TJP2: variants seen among roughly 807,000 people sequenced by gnomAD.
The protein encoded by TJP2 is tight junction protein 2, also known as Friedreich ataxia region gene X104 (tight junction protein ZO-2).
A neutral mutation model predicts 133.1 loss-of-function variants in TJP2; 91 were observed. The observed-to-expected ratio is 0.68, with a 90% CI of 0.58 to 0.81. The LOEUF is 0.81. Ranked by LOEUF, TJP2 falls within the 40% of genes least tolerant of loss-of-function variation. The pLI is 0.00. For synonymous variants in TJP2, 592 were observed against 583.4 expected (o/e 1.01, Z -0.21); for missense variants, 1,541 against 1,565.6 (o/e 0.98, Z 0.26).
At chr9:69,151,817 C>T (rs1255731004) in intron 2 of TJP2, 70 of 1,231,678 alleles carry the variant, frequency 5.7e-5, no homozygotes, top group Non-Finnish European at 6.9e-5. Flanking sequence ...CTGGTCTCCC[C>T]CAAAATTTGT....
intron 20 of TJP2, among the ~76,000 whole-genome samples, chr9:69,250,228 G>A (rs1831232195): frequency 6.6e-6 from 1 of 152,056 alleles, no homozygotes; most frequent in Non-Finnish European, 1.5e-5. Flanking sequence ...TCAGCCTCCC[G>A]AGTAGCTGGG....
intron 17 of TJP2, 77 bp downstream of exon 17, chr9:69,240,224 T>G: frequency 3.8e-6 from 5 of 1,320,198 alleles, no homozygotes; most frequent in Non-Finnish European, 5.3e-6. Context: ...AATAATTAAT[T>G]AATCTGAATG....
chr9:69,224,388 G>C (rs998269652), intron 5 of TJP2, among the ~76,000 whole-genome samples: 31 of 152,160 alleles, frequency 2.0e-4, no homozygotes, highest in Non-Finnish European at 3.2e-4. Context: ...TTTGAAAAGT[G>C]TTAATTTGGC....
intron 21 of TJP2, among the ~76,000 whole-genome samples, chr9:69,251,893 A>G (rs970609458): frequency 5.3e-5 from 8 of 152,228 alleles, no homozygotes; most frequent in African/African-American, 1.7e-4. Context: ...CAGGTCTAGC[A>G]CAACAGCAGC....
intron 1 of TJP2, among the ~76,000 whole-genome samples, chr9:69,204,503 C>T (rs930862368): frequency 6.6e-5 from 10 of 152,196 alleles, no homozygotes; most frequent in South Asian, 2.1e-4. Flanking sequence ...AAAGAACAGA[C>T]GGCAGGGCTC....
chr9:69,173,659 T>G (rs1429750464), upstream of TJP2, among the ~76,000 whole-genome samples: 1 of 152,174 alleles, frequency 6.6e-6, no homozygotes, highest in Non-Finnish European at 1.5e-5. Flanking sequence ...CAAGGCCGTG[T>G]ATGTGTTGGT....
chr9:69,238,308 A>G (rs1400703343), intron 15 of TJP2, among the ~76,000 whole-genome samples: 2 of 152,228 alleles, frequency 1.3e-5, no homozygotes, highest in East Asian at 1.9e-4. Flanking sequence ...GTGATTTTGT[A>G]TATAGTCCAT....
rs775892454 is a variant in TJP2, at chr9:69,249,483, A to G, written c.2989A>G (p.Lys997Glu). ...CCCAGCATTCAAGCCAGAGCCGCCC[A>G]AGGTACGTGGCTGGGAAGCCCAGGA... ...PPPAFKPEPP[K>E]AKTQNKEESY... Residue 997 changes from lysine (K) to glutamate (E), a missense_variant and splice_region_variant, in exon 20 of 23, where the codon AAG (lysine) becomes GAG (glutamate). Physicochemically the swap from Lys to Glu is moderately conservative, Grantham distance 56 (BLOSUM62 1). Transcript: ENST00000377245. 1 of 1,602,648 alleles carries G rather than the reference A, an allele frequency of 6.2e-7. No homozygotes were observed. The highest frequency in any genetic ancestry group is 8.5e-7 in the Non-Finnish European group (1 of 1,173,672).
chr9:69,212,217 T>C (rs1223676863), intron 1 of TJP2, among the ~76,000 whole-genome samples: 1 of 152,180 alleles, frequency 6.6e-6, no homozygotes, highest in Non-Finnish European at 1.5e-5. Flanking sequence ...AAAAAAAGAA[T>C]CTATTTGAAA....
chr9:69,205,151 C>T lies in TJP2; in HGVS notation c.61-7397C>T, dbSNP rs953992157. 4.6e-6 allele frequency: 7 copies of T among 1,537,052 alleles called. No homozygotes were observed. In the African/African-American group the frequency reaches 6.8e-5, roughly 15 times the overall value. On this transcript the variant is annotated intron_variant, in intron 1 of 22. Coordinates refer to ENST00000377245, the MANE Select transcript of TJP2 (RefSeq NM_004817.4). ...GTAGGCGGTGGCCTGGCCCATGCAT[C>T]TCCAGAGACCATGAAGACTGCTCAA... is the stretch of plus-strand genomic sequence containing the variant.
Position 69,152,096 on chromosome 9 carries a change from G to A in TJP2, c.-10+325G>A, listed in dbSNP as rs114263094. 3.3e-3 allele frequency among the ~76,000 whole-genome samples: 506 copies of A among 152,262 alleles called. 5 individuals carry two copies. Among genetic ancestry groups the A allele is most frequent in the African/African-American group, 0.012 (489 of 41,558 alleles). ...TAAATTGGCATTTGGTGCTGATGAT[G>A]TCTGGGATTGGAGGTCATTTTAATA... On this transcript the variant is annotated intron_variant, in intron 2 of 5. Transcript: ENST00000423935.
In TJP2 at chr9:69,221,635, C is replaced by G; in HGVS notation, c.952+139C>G. The G allele has an allele frequency of 5.2e-6, 6 of 1,155,226 alleles. No individual in the cohort carries two copies. In the South Asian group the frequency reaches 6.9e-5, roughly 13 times the overall value. 71.6% of individuals were successfully genotyped at this position (1,155,226 alleles called of 1,614,324 possible). A position where few individuals can be genotyped will look rare whatever the true frequency, so the allele number is the denominator to read the frequency against. On this transcript the variant is annotated intron_variant, in intron 5 of 22. Transcript: ENST00000377245. ...GTGGCGTGATCTCGGCTCACTGCAA[C>G]CTCCACCTCCCGGGTTCAAGTGATT...
intron 1 of TJP2, among the ~76,000 whole-genome samples, chr9:69,127,074 CTT>C (rs1314234631): frequency 7.7e-5 from 4 of 52,278 alleles, no homozygotes; most frequent in Non-Finnish European, 1.3e-4. Context: ...CTCTCTCTCT[CTT>C]TTTTTTTTTT....
At chr9:69,160,766 TA>T (rs1409450433) in intron 2 of TJP2, among the ~76,000 whole-genome samples, 1 of 152,146 alleles carries the variant, frequency 6.6e-6, no homozygotes, top group East Asian at 1.9e-4. Context: ...TGGCAGAAGG[TA>T]AAAAGCACGT....
rs1472101211 is a variant in TJP2 at position 69,254,597 on chromosome 9, C to T, written c.*223C>T. ...TTAGAGGAGTCTGTGGCTTTTTGTT[C>T]AGAATTAAGCAGAACACTGCAGTCA... is the stretch of plus-strand genomic sequence containing the variant. On this transcript the variant is annotated 3_prime_UTR_variant, in exon 23 of 23. Coordinates refer to ENST00000377245, the MANE Select transcript of TJP2 (RefSeq NM_004817.4). 3 of 623,376 alleles carry T rather than the reference C, an allele frequency of 4.8e-6. No individual in the cohort carries two copies. Among genetic ancestry groups the T allele is most frequent in the South Asian group, 3.8e-5 (2 of 53,184 alleles). 38.6% of individuals were successfully genotyped at this position (623,376 alleles called of 1,614,324 possible).
intron 1 of TJP2, among the ~76,000 whole-genome samples, chr9:69,184,825 A>G (rs1587997613): frequency 1.5e-5 from 2 of 136,262 alleles, no homozygotes; most frequent in South Asian, 4.5e-4. Flanking sequence ...GTCACAGCTC[A>G]CTGCAGCCTC....
At chr9:69,240,180 A>T in intron 17 of TJP2, 33 bp downstream of exon 17, 1 of 1,564,290 alleles carries the variant, frequency 6.4e-7, no homozygotes, top group Non-Finnish European at 8.8e-7. Flanking sequence ...CCCTTTGCTA[A>T]AAAATGAGAA....
At chr9:69,173,396 C>CTTA (rs1824796566), upstream of TJP2, among the ~76,000 whole-genome samples, 1 of 152,160 alleles carries the variant, frequency 6.6e-6, no homozygotes, top group Non-Finnish European at 1.5e-5. Flanking sequence ...ACATGGAGGA[C>CTTA]TTCGAAAGGA....
At position 69,254,290 on chromosome 9, in the gene TJP2, G is replaced by A; in HGVS notation, c.3489G>A (p.Glu1163=). ...TRGSYGSDAE[E]EEYRQQLSEH... is the part of the protein sequence containing the mutation. ...GAAGTTATGGCAGTGATGCCGAGGAGGAGGAGTACCGCCAGCAGCTGTCAG... is the reference window on the plus strand; with the variant it reads ...GAAGTTATGGCAGTGATGCCGAGGAAGAGGAGTACCGCCAGCAGCTGTCAG... The change falls in exon 23 of 23, where the codon GAG becomes GAA. Residue 1163 remains glutamate, a synonymous_variant. Coordinates refer to ENST00000377245, the MANE Select transcript of TJP2 (RefSeq NM_004817.4). 1 of 1,614,266 alleles carries A rather than the reference G, an allele frequency of 6.2e-7. No homozygotes were observed. The highest frequency in any genetic ancestry group is 8.5e-7 in the Non-Finnish European group (1 of 1,180,050).
Sources: gnomAD v4.1 joint callset for allele counts (sites outside exome capture counted in the v4.1 genomes callset) on GRCh38, gnomAD v4.1.1 for gene constraint, MANE v1.5 for transcripts, NCBI Gene and HGNC (gene_info 2026-07-23, HGNC 2026-07-21) for gene names.